SORBS3: variants seen among roughly 807,000 people sequenced by gnomAD.
The protein encoded by SORBS3 is vinexin.
A neutral mutation model predicts 98.0 loss-of-function variants in SORBS3; 69 were observed. The observed-to-expected ratio is 0.70, with a 90% CI of 0.58 to 0.86. The LOEUF (loss-of-function observed/expected upper bound fraction) is 0.86. SORBS3 is among the 40% of genes least tolerant of loss of function. SORBS3 has a pLI of 0.00. For synonymous variants in SORBS3, 394 were observed against 355.4 expected (o/e 1.11, Z -1.22); for missense variants, 954 against 908.5 (o/e 1.05, Z -0.64).
Position 22,574,853 on chromosome 8 carries a change from A to C in SORBS3, c.*125A>C, listed in dbSNP as rs1586912758. 8.6e-6 allele frequency: 8 copies of C among 932,286 alleles called. No individual in the cohort carries two copies. Among genetic ancestry groups the C allele is most frequent in the Admixed American group, 3.6e-5 (2 of 55,998 alleles). The allele number at this position is 932,286 out of a possible 1,614,324, so 57.8% of individuals were successfully genotyped here. A position where few individuals can be genotyped will look rare whatever the true frequency, so the allele number is the denominator to read the frequency against. On this transcript the variant is annotated 3_prime_UTR_variant, in exon 21 of 21. Coordinates refer to ENST00000240123, the MANE Select transcript of SORBS3 (RefSeq NM_005775.5). ...CCTGAGCTCCCAGCATCTGCAGACG[A>C]CCCCCGCAGCCTTTCCCTCGGACCC...
At chr8:22,574,410 C>CTG (rs10626790) in intron 20 of SORBS3, among the ~76,000 whole-genome samples, 97,519 of 151,814 alleles carry the variant, frequency 0.64, 31,422 homozygotes, top group African/African-American at 0.68. Context: ...GGGAGTGACT[C>CTG]TGCTGTGTAC....
At chr8:22,574,646 T>A (rs373213563) in intron 20 of SORBS3, 21 bp from the exon 21 acceptor site, 45 of 1,612,004 alleles carry the variant, frequency 2.8e-5, no homozygotes, top group Middle Eastern at 3.3e-4. Context: ...GGGAAAGCTC[T>A]TCCTGCCTTT....
chr8:22,560,668 T>G (rs1399216835), intron 5 of SORBS3, among the ~76,000 whole-genome samples: 2 of 152,122 alleles, frequency 1.3e-5, no homozygotes, highest in Non-Finnish European at 2.9e-5. Context: ...AAAGCCTGTT[T>G]AGGGAGACGG....
At chr8:22,550,316 C>G (rs1840061869), upstream of SORBS3, among the ~76,000 whole-genome samples, 1 of 152,198 alleles carries the variant, frequency 6.6e-6, no homozygotes, top group East Asian at 1.9e-4. Flanking sequence ...TTGTTCAGCT[C>G]CCCGCTCAGT....
Position 22,554,092 on chromosome 8 carries a change from C to A in SORBS3, c.-55-360C>A, listed in dbSNP as rs564682061. ...CCCCTCTCTGCCGGCTGCCCCACTT[C>A]CCCTGCGCCTTCCCTCCGGGGGAGT... On this transcript the variant is annotated intron_variant, in intron 1 of 20. Coordinates refer to ENST00000240123, the MANE Select transcript of SORBS3 (RefSeq NM_005775.5). The surrounding 1 kb of genome is among the most constrained non-coding windows in gnomAD (Gnocchi z 6.5). Among the ~76,000 whole-genome samples, 7 of 152,308 alleles carry A rather than the reference C, an allele frequency of 4.6e-5. No individual in the cohort carries two copies. Among genetic ancestry groups the A allele is most frequent in the Admixed American group, 2.0e-4 (3 of 15,310 alleles).
rs764565352 is a variant in SORBS3, at chr8:22,572,344, CG to C, written c.1855del (p.Ala619ArgfsTer111). The C allele has an allele frequency of 6.2e-7, 1 of 1,613,354 alleles. No homozygotes were observed. Among genetic ancestry groups the C allele is most frequent in the South Asian group, 1.1e-5 (1 of 91,076 alleles). The stretch of plus-strand genomic sequence containing the variant: ...GCCATGATACGCTTCTCGCAGGTAC[CG>C]GGCGATGTACCAGTACAGGCCCCAG... ...NTSQIHWTPY[R>X]AMYQYRPQNE... is the part of the protein sequence containing the mutation. On this transcript the variant is annotated frameshift_variant, in exon 20 of 21. Transcript: ENST00000240123. LOFTEE classifies it high-confidence loss of function.
upstream of SORBS3, chr8:22,551,882 C>G (rs577893524): frequency 4.7e-5 from 46 of 985,432 alleles, no homozygotes; most frequent in South Asian, 7.5e-4. The surrounding 1 kb of genome is among the most constrained non-coding windows in gnomAD (Gnocchi z 5.8). Context: ...CCGGCCCGTC[C>G]TGACCCGGTC....
At chr8:22,572,914 A>T (rs1290762322) in intron 20 of SORBS3, among the ~76,000 whole-genome samples, 1 of 152,238 alleles carries the variant, frequency 6.6e-6, no homozygotes, top group African/African-American at 2.4e-5. Context: ...GGACAAATGC[A>T]GGAAGCCTCA....
intron 3 of SORBS3, among the ~76,000 whole-genome samples, chr8:22,556,236 C>A (rs954487791): frequency 6.6e-6 from 1 of 152,240 alleles, no homozygotes; most frequent in Non-Finnish European, 1.5e-5. Flanking sequence ...TACAGTCACA[C>A]ACGCTAGATG....
chr8:22,561,161 C>T, intron 5 of SORBS3, 174 bp from the exon 6 acceptor site: 2 of 600,868 alleles, frequency 3.3e-6, no homozygotes, highest in Non-Finnish European at 5.5e-6. Flanking sequence ...CATTTCAAGC[C>T]CTCCAGAGAG....
rs1172606401 is a variant in SORBS3, at chr8:22,572,374, G to T, written c.1882G>T (p.Glu628Ter). 2 of 1,614,094 alleles carry T rather than the reference G, an allele frequency of 1.2e-6. No homozygotes were observed. The highest frequency in any genetic ancestry group is 2.2e-5 in the East Asian group (1 of 44,882). The change falls in exon 20 of 21, where the codon GAA becomes TAA. Residue 628 changes from glutamate to a stop codon, truncating the protein, a stop_gained. Transcript: ENST00000240123. LOFTEE classifies it high-confidence loss of function. ...GATGTACCAGTACAGGCCCCAGAAC[G>T]AAGACGAGCTGGAGCTGCGCGAGGG... is the stretch of plus-strand genomic sequence containing the variant. ...RAMYQYRPQN[E>*]DELELREGDR...
Position 22,567,181 on chromosome 8 carries a change from C to T in SORBS3, c.1305+6C>T. 1 of 1,589,400 alleles carries T rather than the reference C, an allele frequency of 6.3e-7. No homozygotes were observed. The stretch of plus-strand genomic sequence containing the variant: ...TCCCTGCTAATTATGTGGAGGTGAG[C>T]AGGAGAGACAAGAGCAAGTGGGGCT... On this transcript the variant is annotated splice_donor_region_variant and intron_variant, in intron 16 of 20. Transcript: ENST00000240123.
chr8:22,575,342 G>A lies in SORBS3; in HGVS notation c.*614G>A, dbSNP rs1272112685. 2 of 228,074 alleles carry A rather than the reference G, an allele frequency of 8.8e-6. No homozygotes were observed. Among genetic ancestry groups the A allele is most frequent in the Admixed American group, 5.6e-5 (1 of 17,958 alleles). The allele number at this position is 228,074 out of a possible 1,614,324, so 14.1% of individuals were successfully genotyped here. ...GCTGCCAAGTCCTGGCCCTGGCCCT[G>A]GCATATCACCCCGCACTGTGGGGCC... On this transcript the variant is annotated 3_prime_UTR_variant, in exon 21 of 21. Transcript: ENST00000240123.
intron 11 of SORBS3, 198 bp from the exon 12 acceptor site, chr8:22,565,628 G>T (rs1840392732): frequency 1.9e-6 from 2 of 1,063,826 alleles, no homozygotes; most frequent in African/African-American, 3.3e-5. Flanking sequence ...CCGGCCCCCG[G>T]GCCCCAGCCT....
intron 12 of SORBS3, 167 bp downstream of exon 12, chr8:22,566,039 G>A: frequency 1.7e-6 from 1 of 575,204 alleles, no homozygotes. Context: ...TCTGCGGGGC[G>A]CCGTTCCCGC....
chr8:22,549,678 G>A (rs1171565173), upstream of SORBS3, among the ~76,000 whole-genome samples: 1 of 152,150 alleles, frequency 6.6e-6, no homozygotes, highest in Non-Finnish European at 1.5e-5. Context: ...TAAGTAGACA[G>A]GCAGAAGTCA....
rs139985275 is a variant in SORBS3 at position 22,571,044 on chromosome 8, C to T, written c.1566C>T (p.Asp522=). ...VSREPRLRLC[D]DGPQLPTSPR... ...GTGAACCCCGGCTCCGGCTCTGTGA[C>T]GACGGCCCCCAGCTCCCCACGTCTC... The change falls in exon 18 of 21, where the codon GAC becomes GAT. Residue 522 remains aspartate, a synonymous_variant. Coordinates refer to ENST00000240123, the MANE Select transcript of SORBS3 (RefSeq NM_005775.5). 72 of 1,613,392 alleles carry T rather than the reference C, an allele frequency of 4.5e-5. No homozygotes were observed. The Admixed American group carries it at 8.5e-4, about 19-fold the overall frequency.
intron 18 of SORBS3, 57 bp downstream of exon 18, chr8:22,571,278 C>G (rs1840577296): frequency 2.0e-6 from 2 of 1,009,290 alleles, no homozygotes; most frequent in Admixed American, 4.6e-5. Context: ...TCATCCCCCA[C>G]CCCCGTGACT....
At chr8:22,573,281 T>C in intron 20 of SORBS3, 2 of 452,780 alleles carry the variant, frequency 4.4e-6, no homozygotes, top group Non-Finnish European at 8.9e-6. Flanking sequence ...TCAAATTTAC[T>C]GGATACACTT....
Sources: gnomAD v4.1 joint callset for allele counts (sites outside exome capture counted in the v4.1 genomes callset) on GRCh38, gnomAD v4.1.1 for gene constraint, Gnocchi (gnomAD v3.1) non-coding constraint, MANE v1.5 for transcripts, NCBI Gene and HGNC (gene_info 2026-07-23, HGNC 2026-07-21) for gene names.